SYT1: variants seen among roughly 807,000 people sequenced by gnomAD.
SYT1 encodes synaptotagmin-1.
Under a neutral mutation model 44.8 loss-of-function variants are expected in SYT1, and 8 were observed. The ratio of observed to expected loss-of-function variants is 0.18; its 90% CI spans 0.10 to 0.32. The LOEUF is 0.32. SYT1 is among the 10% of genes least tolerant of loss of function. The probability of loss-of-function intolerance (pLI) is 1.00; values close to 1 mark genes in which losing one functional copy is unlikely to be tolerated. For missense variants in SYT1, 286 were observed against 509.3 expected (o/e 0.56, Z 4.22); for synonymous variants, 154 against 188.8 (o/e 0.82, Z 1.51).
chr12:79,259,623 A>G (rs1877719754), intron 4 of SYT1, among the ~76,000 whole-genome samples: 1 of 152,124 alleles, frequency 6.6e-6, no homozygotes, highest in African/African-American at 2.4e-5. Flanking sequence ...GGTCCCAGCT[A>G]CTCAGGAGGC....
At chr12:79,322,050 C>T (rs373591024) in intron 8 of SYT1, among the ~76,000 whole-genome samples, 4 of 152,058 alleles carry the variant, frequency 2.6e-5, no homozygotes, top group Non-Finnish European at 4.4e-5. Flanking sequence ...CGTTTCCCAC[C>T]GCCCCTCTCA....
chr12:78,882,059 A>G (rs1874486184), intron 1 of SYT1, among the ~76,000 whole-genome samples: 1 of 151,760 alleles, frequency 6.6e-6, no homozygotes, highest in Non-Finnish European at 1.5e-5. Context: ...AGAAGCCACT[A>G]AGAACATAAA....
intron 9 of SYT1, among the ~76,000 whole-genome samples, chr12:79,403,748 C>G (rs1052855297): frequency 6.6e-6 from 1 of 152,086 alleles, no homozygotes; most frequent in Non-Finnish European, 1.5e-5. Flanking sequence ...GGCCCAGGCC[C>G]AGAAGTATCA....
chr12:79,312,539 T>C (rs1459960925), intron 8 of SYT1, among the ~76,000 whole-genome samples: 2 of 152,168 alleles, frequency 1.3e-5, no homozygotes, highest in East Asian at 1.9e-4. Flanking sequence ...AATGAACATG[T>C]TATTTGTAAG....
chr12:79,018,440 TA>T (rs1237788609), intron 2 of SYT1, among the ~76,000 whole-genome samples: 3 of 151,992 alleles, frequency 2.0e-5, no homozygotes, highest in Non-Finnish European at 4.4e-5. Flanking sequence ...CATGTATACA[TA>T]TGTAACAAAC....
chr12:79,310,283 C>G (rs1880706545), intron 8 of SYT1, among the ~76,000 whole-genome samples: 1 of 152,084 alleles, frequency 6.6e-6, no homozygotes, highest in Non-Finnish European at 1.5e-5. Context: ...AATCCTTTCC[C>G]AATTGCTTCT....
chr12:78,997,321 T>C (rs1479996977), intron 2 of SYT1, among the ~76,000 whole-genome samples: 4 of 152,196 alleles, frequency 2.6e-5, no homozygotes, highest in Non-Finnish European at 2.9e-5. Flanking sequence ...GATTCTGTTA[T>C]GGCTATTTTC....
chr12:78,867,463 C>A (rs977707198), intron 1 of SYT1, among the ~76,000 whole-genome samples: 3 of 151,910 alleles, frequency 2.0e-5, no homozygotes, highest in Non-Finnish European at 4.4e-5. Context: ...TGGGGAGAGA[C>A]CTTACATGAT....
intron 3 of SYT1, among the ~76,000 whole-genome samples, chr12:79,099,533 G>A (rs959343013): frequency 6.6e-6 from 1 of 152,030 alleles, no homozygotes; most frequent in African/African-American, 2.4e-5. Flanking sequence ...AAATATTGGA[G>A]GAATCACAAC....
At chr12:78,986,372 T>G (rs1349147983) in intron 2 of SYT1, among the ~76,000 whole-genome samples, 1 of 152,072 alleles carries the variant, frequency 6.6e-6, no homozygotes, top group Non-Finnish European at 1.5e-5. Context: ...CCCAAATTAT[T>G]TTATTAGTCA....
At chr12:79,415,887 T>G (rs1205846849) in intron 9 of SYT1, among the ~76,000 whole-genome samples, 1 of 152,192 alleles carries the variant, frequency 6.6e-6, no homozygotes. Flanking sequence ...CAGAACTAGT[T>G]CTGCTAGCTT....
chr12:79,046,014 A>T (rs958390521), intron 2 of SYT1, among the ~76,000 whole-genome samples: 2 of 152,210 alleles, frequency 1.3e-5, no homozygotes, highest in African/African-American at 4.8e-5. Flanking sequence ...AAGTGTCCGT[A>T]TACTAAAACT....
At chr12:79,128,058 T>A in intron 3 of SYT1, among the ~76,000 whole-genome samples, 1 of 151,994 alleles carries the variant, frequency 6.6e-6, no homozygotes, top group East Asian at 1.9e-4. Flanking sequence ...TAAAAACATA[T>A]AAGGGTGCAT....
In SYT1 at chr12:78,909,818, C is replaced by T. The variant is rs377063409; in HGVS notation, c.-217+44709C>T. ...TTGTTGTAATTCATTTTACTGCAAT[C>T]GAATACCATGTTATTCTAACTTAGT... On this transcript the variant is annotated intron_variant, in intron 1 of 10. Coordinates refer to ENST00000261205, the MANE Select transcript of SYT1 (RefSeq NM_005639.3). 1.2e-4 allele frequency among the ~76,000 whole-genome samples: 19 copies of T among 152,078 alleles called. No homozygotes were observed. In the East Asian group the frequency reaches 3.3e-3, roughly 26 times the overall value.
intron 3 of SYT1, among the ~76,000 whole-genome samples, chr12:79,197,914 A>G (rs1175817057): frequency 3.9e-5 from 6 of 152,162 alleles, no homozygotes; most frequent in Non-Finnish European, 8.8e-5. Flanking sequence ...CTCTGGATAC[A>G]ACTAAGACAG....
chr12:79,041,108 C>T (rs200794319), intron 2 of SYT1, among the ~76,000 whole-genome samples: 16,438 of 152,020 alleles, frequency 0.11, 919 homozygotes, highest in East Asian at 0.23. Flanking sequence ...GCAATGCGGG[C>T]TCTTTTTTGG....
intron 8 of SYT1, among the ~76,000 whole-genome samples, chr12:79,313,592 G>C (rs1592956830): frequency 7.6e-6 from 1 of 131,036 alleles, no homozygotes; most frequent in Non-Finnish European, 1.6e-5. Flanking sequence ...TTGAAATACA[G>C]TTTTAAAAAG....
At chr12:79,089,336 C>G (rs1877612347) in intron 3 of SYT1, among the ~76,000 whole-genome samples, 1 of 151,956 alleles carries the variant, frequency 6.6e-6, no homozygotes, top group African/African-American at 2.4e-5. Flanking sequence ...TGAGCTAAGT[C>G]TCTTAGCATT....
chr12:78,951,699 A>G (rs1445066036), intron 1 of SYT1, among the ~76,000 whole-genome samples: 4 of 152,168 alleles, frequency 2.6e-5, no homozygotes, highest in Non-Finnish European at 5.9e-5. Flanking sequence ...ATTTTGAGTC[A>G]GTACAGTGAA....
Sources: allele counts gnomAD v4.1 joint callset (sites outside exome capture counted in the v4.1 genomes callset), GRCh38; gene constraint gnomAD v4.1.1; transcripts MANE v1.5; gene names NCBI Gene and HGNC (gene_info 2026-07-23, HGNC 2026-07-21).